SUSD1: variants seen among roughly 807,000 people sequenced by gnomAD.
The protein encoded by SUSD1 is sushi domain-containing protein 1.
Under a neutral mutation model 86.9 loss-of-function variants are expected in SUSD1, and 65 were observed. That is an observed-to-expected ratio of 0.75 (90% confidence interval 0.61 to 0.92). The LOEUF is 0.92. SUSD1 is among the 40% of genes least tolerant of loss of function. The pLI, the probability that SUSD1 is intolerant of heterozygous loss-of-function variation, is 0.00. For missense variants in SUSD1, 850 were observed against 929.7 expected, an observed-to-expected ratio of 0.91 and a Z score of 1.11; for synonymous variants, 346 against 350.0, an observed-to-expected ratio of 0.99 and a Z score of 0.13.
In SUSD1 at chr9:112,052,414, A is replaced by G; in HGVS notation, c.2134T>C (p.Trp712Arg). The change falls in exon 15 of 17, where the codon TGG (tryptophan) becomes CGG (arginine). Residue 712 changes from tryptophan (W) to arginine (R), a missense_variant. Trp to Arg is a moderately radical substitution (Grantham distance 101, BLOSUM62 -3). Transcript: ENST00000374270. The stretch of plus-strand genomic sequence containing the variant: ...ATAATTTTACCTTTCACCTGAGCCC[A>G]AACTGCACAGGAGTGTCTTCTCACC... ...NKVRRHSCAV[W>R]AQVKDSSLML... is the part of the protein sequence containing the mutation. 1 of 1,614,144 alleles carries G rather than the reference A, an allele frequency of 6.2e-7. No homozygotes were observed. The highest frequency in any genetic ancestry group is 2.2e-5 in the East Asian group (1 of 44,878).
At chr9:112,064,553 A>G (rs1325629028) in intron 12 of SUSD1, among the ~76,000 whole-genome samples, 1 of 152,192 alleles carries the variant, frequency 6.6e-6, no homozygotes, top group Non-Finnish European at 1.5e-5. Flanking sequence ...CACAAAGTGT[A>G]GGCGTGGGAG....
At chr9:112,060,983 A>G (rs1396127958) in intron 13 of SUSD1, among the ~76,000 whole-genome samples, 2 of 152,180 alleles carry the variant, frequency 1.3e-5, no homozygotes, top group African/African-American at 4.8e-5. Context: ...CCTGACCGTA[A>G]TCACCTGTGT....
chr9:112,102,251 A>T lies in SUSD1; in HGVS notation c.1206T>A (p.Asn402Lys). 1 of 1,600,754 alleles carries T rather than the reference A, an allele frequency of 6.2e-7. No homozygotes were observed. The highest frequency in any genetic ancestry group is 8.5e-7 in the Non-Finnish European group (1 of 1,172,940). ...AACAAGTTTCATTAAATATTGAAAT[A>T]TTGAAACTTCCATCATCTTCTAAGA... ...VDLLEDDGSF[N>K]ISIFNETCLK... Residue 402 changes from asparagine to lysine, a missense_variant, in exon 9 of 17, where the codon AAT becomes AAA. Transcript: ENST00000374270.
At position 112,058,668 on chromosome 9, in the gene SUSD1, C is replaced by A. The variant is rs755904611; in HGVS notation, c.1869G>T (p.Val623=). The part of the protein sequence containing the change: ...NGPISSYQVL[V]LPLALQSTFS... ...ATGTGCTTTGGAGGGCCAGGGGAAGCACTAACACCTGATATGAACTGGAAG... is the reference window on the plus strand; with the variant it reads ...ATGTGCTTTGGAGGGCCAGGGGAAGAACTAACACCTGATATGAACTGGAAG... The change falls in exon 14 of 17, where the codon GTG becomes GTT. Residue 623 remains valine, a synonymous_variant. Coordinates refer to ENST00000374270, the MANE Select transcript of SUSD1 (RefSeq NM_022486.5). 27 of 1,614,028 alleles carry A rather than the reference C, an allele frequency of 1.7e-5. No individual in the cohort carries two copies. In the African/African-American group the frequency reaches 2.3e-4, roughly 14 times the overall value.
rs527417716 is a variant in SUSD1, at chr9:112,111,485, G to A, written c.1171+169C>T. Among the ~76,000 whole-genome samples the A allele has an allele frequency of 8.0e-4, 122 of 152,148 alleles. 1 individual carries two copies. Among genetic ancestry groups the A allele is most frequent in the Non-Finnish European group, 9.6e-4 (65 of 68,028 alleles). On this transcript the variant is annotated intron_variant, in intron 8 of 16. Coordinates refer to ENST00000374270, the MANE Select transcript of SUSD1 (RefSeq NM_022486.5). ...AGCCCATTCAGCCTGGTACCAAGAGGATACGGATCTCTTGACCTGCTCTAG... is the reference window on the plus strand; with the variant it reads ...AGCCCATTCAGCCTGGTACCAAGAGAATACGGATCTCTTGACCTGCTCTAG...
At chr9:112,071,966 G>A (rs1461255230) in intron 12 of SUSD1, among the ~76,000 whole-genome samples, 1 of 152,094 alleles carries the variant, frequency 6.6e-6, no homozygotes, top group Non-Finnish European at 1.5e-5. Flanking sequence ...CATCAATAAA[G>A]TTATGAGACT....
At chr9:112,115,633 C>A (rs1284758262) in intron 6 of SUSD1, among the ~76,000 whole-genome samples, 1 of 151,668 alleles carries the variant, frequency 6.6e-6, no homozygotes, top group Non-Finnish European at 1.5e-5. Context: ...ATGGTGAAAC[C>A]GCATCTCTAC....
chr9:112,052,363 A>G lies in SUSD1; in HGVS notation c.2149+36T>C, dbSNP rs16916617. 7,144 of 1,613,832 alleles carry G rather than the reference A, an allele frequency of 4.4e-3. 270 individuals carry two copies. The African/African-American group carries it at 0.081, about 18-fold the overall frequency. On this transcript the variant is annotated intron_variant, in intron 15 of 16. Coordinates refer to ENST00000374270, the MANE Select transcript of SUSD1 (RefSeq NM_022486.5). ...ATGAACTTGATGCTGCAGAAAAGAA[A>G]TAAGGACAGCATTCATAGGCAGAAA... is the stretch of plus-strand genomic sequence containing the variant.
chr9:112,146,512 T>C (rs1467191959), intron 3 of SUSD1, among the ~76,000 whole-genome samples: 1 of 152,178 alleles, frequency 6.6e-6, no homozygotes, highest in Non-Finnish European at 1.5e-5. Flanking sequence ...TTAGGTCTAG[T>C]TCGGCTGACA....
In SUSD1 at chr9:112,170,710, T is replaced by TAGAG. The variant is rs1554778939; in HGVS notation, c.103+4419_103+4422dup. ...GCCAGATCATATATATATATATATA[T>TAGAG]AGAGAGAGAGAGAGAGAGAGAGAGA... On this transcript the variant is annotated intron_variant, in intron 1 of 16. Coordinates refer to ENST00000374270, the MANE Select transcript of SUSD1 (RefSeq NM_022486.5). Among the ~76,000 whole-genome samples the TAGAG allele has an allele frequency of 3.2e-3, 365 of 113,786 alleles. 1 individual carries two copies. Among genetic ancestry groups the TAGAG allele is most frequent in the African/African-American group, 0.012 (305 of 26,310 alleles). The allele number at this position is 113,786 out of a possible 152,430, so 74.6% of individuals were successfully genotyped here.
intron 5 of SUSD1, among the ~76,000 whole-genome samples, chr9:112,138,317 T>A (rs370033680): frequency 1.1e-5 from 1 of 89,514 alleles, no homozygotes; most frequent in Non-Finnish European, 2.3e-5. Context: ...TTGGAAACTA[T>A]CACCATTAAC....
intron 6 of SUSD1, among the ~76,000 whole-genome samples, chr9:112,114,423 C>T (rs1392178428): frequency 6.6e-6 from 1 of 152,166 alleles, no homozygotes; most frequent in African/African-American, 2.4e-5. Flanking sequence ...GCAGAGGTGG[C>T]AGTGAGCCAA....
chr9:112,098,250 T>C (rs1830480350), intron 10 of SUSD1, among the ~76,000 whole-genome samples: 1 of 152,188 alleles, frequency 6.6e-6, no homozygotes, highest in South Asian at 2.1e-4. Context: ...TAAATCAGTC[T>C]ATCCTTGGTC....
chr9:112,149,271 T>G lies in SUSD1; in HGVS notation c.346A>C (p.Ile116Leu). Residue 116 changes from isoleucine to leucine, a missense_variant, in exon 3 of 17, where the codon ATT becomes CTT. By Grantham distance (5) the Ile-to-Leu change is conservative (BLOSUM62 2). Transcript: ENST00000374270. ...GTACAAAAGGTGCCATCGTTGGGAA[T>G]GAATGTCTTGTTGTTGTTTGTGGCT... is the stretch of plus-strand genomic sequence containing the variant. ...YRATNNNKTF[I>L]PNDGTFCTDI... 5.0e-6 allele frequency: 8 copies of G among 1,614,212 alleles called. No homozygotes were observed. Among genetic ancestry groups the G allele is most frequent in the Non-Finnish European group, 6.8e-6 (8 of 1,180,034 alleles).
At chr9:112,158,446 A>G (rs1212272709) in intron 1 of SUSD1, among the ~76,000 whole-genome samples, 3 of 152,002 alleles carry the variant, frequency 2.0e-5, no homozygotes, top group South Asian at 4.2e-4. Context: ...GTTGAAGCGC[A>G]GTGGCATGAT....
chr9:112,115,824 G>GAAAAAGAAAGA (rs1554766279), intron 6 of SUSD1, among the ~76,000 whole-genome samples: 1 of 120,956 alleles, frequency 8.3e-6, no homozygotes, highest in South Asian at 2.6e-4. Context: ...AAAAAAAAAA[G>GAAAAAGAAAGA]AAAAAAAAAA....
intron 15 of SUSD1, chr9:112,052,107 T>C: frequency 7.4e-7 from 1 of 1,346,856 alleles, no homozygotes; most frequent in South Asian, 1.5e-5. Context: ...CAAGTGACTC[T>C]TAGAAACAGA....
At chr9:112,090,596 A>G (rs1830165552) in intron 10 of SUSD1, among the ~76,000 whole-genome samples, 1 of 152,212 alleles carries the variant, frequency 6.6e-6, no homozygotes, top group African/African-American at 2.4e-5. Flanking sequence ...TTACTTATAA[A>G]TATTGGTGCA....
At chr9:112,120,161 G>T (rs1332831556) in intron 6 of SUSD1, among the ~76,000 whole-genome samples, 1 of 152,134 alleles carries the variant, frequency 6.6e-6, no homozygotes, top group Non-Finnish European at 1.5e-5. Flanking sequence ...TTAAAATTTA[G>T]CCATGCGTGG....
Sources: gnomAD v4.1 joint callset for allele counts (sites outside exome capture counted in the v4.1 genomes callset) on GRCh38, gnomAD v4.1.1 for gene constraint, MANE v1.5 for transcripts, NCBI Gene and HGNC (gene_info 2026-07-23, HGNC 2026-07-21) for gene names.